PTPRG: variants seen among roughly 807,000 people sequenced by gnomAD.
PTPRG encodes the protein protein tyrosine phosphatase receptor type G.
Under a neutral mutation model 165.3 loss-of-function variants are expected in PTPRG, and 102 were observed. The ratio of observed to expected loss-of-function variants is 0.62; its 90% CI spans 0.53 to 0.73. PTPRG has a LOEUF of 0.73. Ranked by LOEUF, PTPRG falls within the 30% of genes least tolerant of loss-of-function variation. The probability of loss-of-function intolerance (pLI) is 0.00; values close to 1 mark genes in which losing one functional copy is unlikely to be tolerated. For synonymous variants in PTPRG, 675 were observed against 669.5 expected (o/e 1.01, Z -0.13); for missense variants, 1,866 against 1,861.4 (o/e 1.00, Z -0.05).
chr3:62,249,414 GT>G, intron 15 of PTPRG, among the ~76,000 whole-genome samples: 1 of 152,088 alleles, frequency 6.6e-6, no homozygotes, highest in Non-Finnish European at 1.5e-5. Flanking sequence ...AGGGAAGGGG[GT>G]GGGTAAGGTC....
intron 1 of PTPRG, among the ~76,000 whole-genome samples, chr3:61,646,657 CAGT>C (rs1296426939): frequency 6.6e-6 from 1 of 152,128 alleles, no homozygotes; most frequent in Non-Finnish European, 1.5e-5. Flanking sequence ...TGTATTTACT[CAGT>C]GGTGTTTGTG....
At chr3:61,762,440 G>A (rs1206907874) in intron 2 of PTPRG, among the ~76,000 whole-genome samples, 2 of 152,038 alleles carry the variant, frequency 1.3e-5, no homozygotes, top group South Asian at 2.1e-4. Context: ...GGTGAAACCC[G>A]TCTCTACTAA....
intron 2 of PTPRG, among the ~76,000 whole-genome samples, chr3:61,850,470 A>G (rs1170977272): frequency 2.0e-5 from 3 of 152,108 alleles, no homozygotes; most frequent in Non-Finnish European, 2.9e-5. Flanking sequence ...CCTTGTTCTT[A>G]TATTTTTAAA....
intron 1 of PTPRG, among the ~76,000 whole-genome samples, chr3:61,685,463 G>A (rs1239834157): frequency 6.6e-6 from 1 of 152,256 alleles, no homozygotes; most frequent in African/African-American, 2.4e-5. Context: ...TGTAGCAGAA[G>A]TAAAGGGAAG....
At chr3:61,791,472 G>A (rs1307088512) in intron 2 of PTPRG, among the ~76,000 whole-genome samples, 1 of 152,164 alleles carries the variant, frequency 6.6e-6, no homozygotes, top group African/African-American at 2.4e-5. Flanking sequence ...TTCAGATGCT[G>A]TATTTCTAAT....
chr3:62,043,100 A>G (rs958380601), intron 4 of PTPRG, among the ~76,000 whole-genome samples: 2 of 152,098 alleles, frequency 1.3e-5, no homozygotes, highest in African/African-American at 2.4e-5. Flanking sequence ...TAAAATTTTC[A>G]TTTTTAACAG....
At chr3:62,034,113 G>A (rs369071121) in intron 4 of PTPRG, among the ~76,000 whole-genome samples, 1 of 152,098 alleles carries the variant, frequency 6.6e-6, no homozygotes, top group African/African-American at 2.4e-5. Context: ...TAATACAGGG[G>A]ATTGGTTCTG....
At chr3:61,812,772 A>G (rs2035625684) in intron 2 of PTPRG, among the ~76,000 whole-genome samples, 1 of 152,212 alleles carries the variant, frequency 6.6e-6, no homozygotes, top group Non-Finnish European at 1.5e-5. Flanking sequence ...CTCTCAGATA[A>G]TTCTCTGATG....
chr3:62,155,973 A>C, intron 6 of PTPRG, among the ~76,000 whole-genome samples: 1 of 152,200 alleles, frequency 6.6e-6, no homozygotes, highest in Admixed American at 6.5e-5. Context: ...CCAACAGGGA[A>C]GGGGAGAGAA....
At position 62,217,483 on chromosome 3, in the gene PTPRG, C is replaced by G. The variant is rs1332833625; in HGVS notation, c.2156-1368C>G. The G allele has an allele frequency of 1.3e-5, 2 of 152,274 alleles. No homozygotes were observed. The highest frequency in any genetic ancestry group is 4.8e-5 in the African/African-American group (2 of 41,440). 9.4% of individuals were successfully genotyped at this position (152,274 alleles called of 1,614,324 possible). On this transcript the variant is annotated intron_variant, in intron 12 of 29. Transcript: ENST00000474889. This position sits in a 1 kb window ranked among gnomAD's most constrained non-coding sequence, Gnocchi z 4.3. The stretch of plus-strand genomic sequence containing the variant: ...GCCAATTCTTTCTTCCCTACTCAGC[C>G]TACCTTCTCTCACCTGGAAACTCAA...
At chr3:62,152,736 A>G (rs1704380688) in intron 6 of PTPRG, among the ~76,000 whole-genome samples, 3 of 152,166 alleles carry the variant, frequency 2.0e-5, no homozygotes, top group African/African-American at 7.2e-5. Context: ...ATGCATTGTC[A>G]TTTACTAATG....
At chr3:61,893,782 A>T (rs1218136549) in intron 2 of PTPRG, among the ~76,000 whole-genome samples, 1 of 152,228 alleles carries the variant, frequency 6.6e-6, no homozygotes, top group African/African-American at 2.4e-5. Flanking sequence ...GAGCGGGGGC[A>T]TCCAGTTGGT....
At chr3:61,881,325 A>T (rs748521956) in intron 2 of PTPRG, among the ~76,000 whole-genome samples, 57 of 152,208 alleles carry the variant, frequency 3.7e-4, no homozygotes, top group Non-Finnish European at 7.3e-4. Context: ...GAAATGTATT[A>T]GAGACAAAAT....
intron 2 of PTPRG, among the ~76,000 whole-genome samples, chr3:61,924,687 C>T (rs2039162475): frequency 6.6e-6 from 1 of 152,130 alleles, no homozygotes; most frequent in Admixed American, 6.5e-5. Flanking sequence ...ATCCTCTGGT[C>T]CAGGGGTCAG....
At chr3:61,598,117 A>G (rs777652150) in intron 1 of PTPRG, among the ~76,000 whole-genome samples, 4 of 152,218 alleles carry the variant, frequency 2.6e-5, no homozygotes, top group Admixed American at 6.5e-5. Flanking sequence ...GTAACAAGCT[A>G]AAAGTGAAAT....
chr3:61,658,265 T>G (rs777292317), intron 1 of PTPRG, among the ~76,000 whole-genome samples: 2 of 152,156 alleles, frequency 1.3e-5, no homozygotes, highest in Non-Finnish European at 2.9e-5. Flanking sequence ...TCAGGACTGG[T>G]CACACTGCAG....
chr3:61,827,957 A>G (rs1219975761), intron 2 of PTPRG, among the ~76,000 whole-genome samples: 1 of 152,200 alleles, frequency 6.6e-6, no homozygotes, highest in Non-Finnish European at 1.5e-5. Context: ...ATTTATTTGG[A>G]AAGTTTAGGT....
intron 8 of PTPRG, among the ~76,000 whole-genome samples, chr3:62,182,946 C>T (rs1039254965): frequency 6.6e-6 from 1 of 152,206 alleles, no homozygotes; most frequent in Non-Finnish European, 1.5e-5. Flanking sequence ...TGAGCCACTA[C>T]GCCCGGCTAA....
At chr3:61,607,399 G>A (rs899239356) in intron 1 of PTPRG, among the ~76,000 whole-genome samples, 3 of 152,104 alleles carry the variant, frequency 2.0e-5, no homozygotes, top group South Asian at 2.1e-4. Flanking sequence ...TGTTCTTTGG[G>A]ATCCATTAAA....
Sources: gnomAD v4.1 joint callset for allele counts (sites outside exome capture counted in the v4.1 genomes callset) on GRCh38, gnomAD v4.1.1 for gene constraint, Gnocchi (gnomAD v3.1) non-coding constraint, MANE v1.5 for transcripts, NCBI Gene and HGNC (gene_info 2026-07-23, HGNC 2026-07-21) for gene names.